NFAM1: variants seen among roughly 807,000 people sequenced by gnomAD.
NFAM1 encodes the protein NFAT activating protein with ITAM motif 1, also known as NFAT activation molecule 1.
Under a neutral mutation model 29.0 loss-of-function variants are expected in NFAM1, and 17 were observed. The observed-to-expected ratio is 0.59, with a 90% CI of 0.40 to 0.88. The LOEUF is 0.88. Among genes scored for constraint, NFAM1 ranks in the 40% least tolerant of loss-of-function variants. NFAM1 has a pLI of 0.00. For synonymous variants in NFAM1, 175 were observed against 147.2 expected, an observed-to-expected ratio of 1.19 and a Z score of -1.36; for missense variants, 324 against 344.6, an observed-to-expected ratio of 0.94 and a Z score of 0.47.
intron 1 of NFAM1, among the ~76,000 whole-genome samples, chr22:42,415,687 C>T (rs1484089783): frequency 2.6e-5 from 4 of 152,198 alleles, no homozygotes; most frequent in African/African-American, 9.7e-5. Flanking sequence ...ACCCGTGCCT[C>T]CCAGAGGCCC....
rs1196127079 is a variant in NFAM1 at position 42,420,974 on chromosome 22, T to C, written c.122-9238A>G. ...CCCTGCAGCACTGGGGGACTGTTATTGTCACCTCAGCTCAAGCACAGCCTG... is the reference window on the plus strand; with the variant it reads ...CCCTGCAGCACTGGGGGACTGTTATCGTCACCTCAGCTCAAGCACAGCCTG... On this transcript the variant is annotated intron_variant, in intron 1 of 5. Transcript: ENST00000329021. 2.6e-5 allele frequency among the ~76,000 whole-genome samples: 4 copies of C among 152,078 alleles called. No individual in the cohort carries two copies. The East Asian group carries it at 7.7e-4, about 29-fold the overall frequency.
chr22:42,385,441 C>T lies in NFAM1; in HGVS notation c.754-221G>A, dbSNP rs574594851. On this transcript the variant is annotated intron_variant, in intron 5 of 5. Transcript: ENST00000329021. Reference sequence around the variant, plus strand: ...TTGCCCTCCAGCCACATGGGCCTGCCCTTCCAGCCTCAGAGCTTCCCCCAC... The same window carrying T: ...TTGCCCTCCAGCCACATGGGCCTGCTCTTCCAGCCTCAGAGCTTCCCCCAC... Among the ~76,000 whole-genome samples the T allele has an allele frequency of 3.3e-5, 5 of 151,912 alleles. No individual in the cohort carries two copies. The East Asian group carries it at 7.8e-4, about 24-fold the overall frequency.
At chr22:42,434,423 C>A (rs35107744), upstream of NFAM1, among the ~76,000 whole-genome samples, 1 of 152,008 alleles carries the variant, frequency 6.6e-6, no homozygotes, top group African/African-American at 2.4e-5. Flanking sequence ...GGCTGTGGAG[C>A]GCAGACATGA....
At chr22:42,404,097 A>T (rs1174647231) in intron 3 of NFAM1, among the ~76,000 whole-genome samples, 1 of 151,922 alleles carries the variant, frequency 6.6e-6, no homozygotes, top group Non-Finnish European at 1.5e-5. Context: ...ATGCATCACC[A>T]GTTCTTACCA....
intron 3 of NFAM1, among the ~76,000 whole-genome samples, chr22:42,404,211 C>T (rs568304407): frequency 2.6e-4 from 40 of 152,252 alleles, no homozygotes; most frequent in African/African-American, 8.7e-4. Flanking sequence ...TGCCATTCTT[C>T]CAGACTTGCC....
rs11913567 is a variant in NFAM1, at chr22:42,426,258, C to A, written c.121+5979G>T. 6.4e-3 allele frequency among the ~76,000 whole-genome samples: 981 copies of A among 152,246 alleles called. 15 individuals are homozygous for A. Among genetic ancestry groups the A allele is most frequent in the African/African-American group, 0.023 (961 of 41,530 alleles). On this transcript the variant is annotated intron_variant, in intron 1 of 5. Transcript: ENST00000329021. ...CTGCTGAGGGCAGTGAGGCTGTTTG[C>A]GGTTATGCTCTGTGGACCTCTGGCC...
chr22:42,426,670 A>C (rs1930632860), intron 1 of NFAM1, among the ~76,000 whole-genome samples: 1 of 152,128 alleles, frequency 6.6e-6, no homozygotes. Flanking sequence ...CCCTGCCTAC[A>C]GGGGGACTGG....
At chr22:42,430,683 G>A (rs1381106695) in intron 1 of NFAM1, among the ~76,000 whole-genome samples, 3 of 151,668 alleles carry the variant, frequency 2.0e-5, no homozygotes, top group Admixed American at 6.6e-5. Flanking sequence ...AATGTTTGTT[G>A]CAATACCGGG....
chr22:42,433,868 C>G (rs1930877831), upstream of NFAM1, among the ~76,000 whole-genome samples: 1 of 152,174 alleles, frequency 6.6e-6, no homozygotes. Context: ...TGTCTAAGCA[C>G]CTTGATGCCA....
At chr22:42,416,769 C>T (rs899213273) in intron 1 of NFAM1, among the ~76,000 whole-genome samples, 5 of 152,184 alleles carry the variant, frequency 3.3e-5, no homozygotes, top group East Asian at 1.9e-4. Context: ...CATGCCAGGG[C>T]GTGGTGTGGC....
At chr22:42,406,284 T>G (rs1929895782) in intron 3 of NFAM1, among the ~76,000 whole-genome samples, 1 of 152,224 alleles carries the variant, frequency 6.6e-6, no homozygotes, top group African/African-American at 2.4e-5. Flanking sequence ...GCCACCCTGA[T>G]CCCGGCTCCT....
At chr22:42,433,829 G>A (rs1317986657), upstream of NFAM1, among the ~76,000 whole-genome samples, 3 of 152,306 alleles carry the variant, frequency 2.0e-5, no homozygotes, top group Middle Eastern at 3.4e-3. Context: ...GCTGCTTCAC[G>A]CTATTCCTGG....
intron 1 of NFAM1, among the ~76,000 whole-genome samples, chr22:42,412,524 C>A (rs1203336476): frequency 6.6e-6 from 1 of 152,234 alleles, no homozygotes; most frequent in Admixed American, 6.5e-5. Context: ...CGCTCCCAAC[C>A]CCTCTTCTTC....
chr22:42,436,816 C>T (rs898628347), upstream of NFAM1: 15 of 188,318 alleles, frequency 8.0e-5, no homozygotes, highest in African/African-American at 3.1e-4. Flanking sequence ...ACAGCGAAGA[C>T]GCAGTGGAAC....
At chr22:42,435,410 C>T (rs1346295228), upstream of NFAM1, among the ~76,000 whole-genome samples, 11 of 150,540 alleles carry the variant, frequency 7.3e-5, no homozygotes, top group Admixed American at 6.0e-4. Flanking sequence ...TGCAATGGCG[C>T]GATCTCGGCT....
At chr22:42,400,677 G>A (rs533503096) in intron 3 of NFAM1, among the ~76,000 whole-genome samples, 1 of 152,302 alleles carries the variant, frequency 6.6e-6, no homozygotes, top group Admixed American at 6.5e-5. Flanking sequence ...CTGGTAAAAG[G>A]CTGTCCTTGG....
chr22:42,423,727 T>TTC (rs1401463053), intron 1 of NFAM1, among the ~76,000 whole-genome samples: 1 of 148,012 alleles, frequency 6.8e-6, no homozygotes, highest in East Asian at 2.0e-4. Context: ...CCTCTTTTCT[T>TTC]TTTTTTTTTT....
Position 42,409,174 on chromosome 22 carries a change from G to A in NFAM1, c.564+261C>T, listed in dbSNP as rs1929996679. On this transcript the variant is annotated intron_variant, in intron 3 of 5. Transcript: ENST00000329021. The surrounding 1 kb of genome is among the most constrained non-coding windows in gnomAD (Gnocchi z 4.9). ...GCAGGAGGGCCTGCAGCCTCTCCCA[G>A]GTTCTCAGAGGGACATGGGACCTGG... 6.6e-6 allele frequency among the ~76,000 whole-genome samples: 1 copy of A among 152,218 alleles called. No homozygotes were observed. The highest frequency in any genetic ancestry group is 2.4e-5 in the African/African-American group (1 of 41,450).
At position 42,419,164 on chromosome 22, in the gene NFAM1, G is replaced by T. The variant is rs965614500; in HGVS notation, c.122-7428C>A. On this transcript the variant is annotated intron_variant, in intron 1 of 5. Coordinates refer to ENST00000329021, the MANE Select transcript of NFAM1 (RefSeq NM_145912.8). The surrounding 1 kb of genome is among the most constrained non-coding windows in gnomAD (Gnocchi z 4.5). Reference sequence around the variant, plus strand: ...GTGCCCACCTGGCAGCTTTCCTGTGGATCACTGATGTTCAGGATCAGACCT... The same window carrying T: ...GTGCCCACCTGGCAGCTTTCCTGTGTATCACTGATGTTCAGGATCAGACCT... Among the ~76,000 whole-genome samples, 1 of 152,100 alleles carries T rather than the reference G, an allele frequency of 6.6e-6. No homozygotes were observed. The highest frequency in any genetic ancestry group is 1.5e-5 in the Non-Finnish European group (1 of 68,010).
Sources: gnomAD v4.1 joint callset for allele counts (sites outside exome capture counted in the v4.1 genomes callset) on GRCh38, gnomAD v4.1.1 for gene constraint, Gnocchi (gnomAD v3.1) non-coding constraint, MANE v1.5 for transcripts, NCBI Gene and HGNC (gene_info 2026-07-23, HGNC 2026-07-21) for gene names.